Variants in RNF220 observed in about 807,000 individuals in gnomAD.
RNF220 encodes E3 ubiquitin-protein ligase RNF220.
RNF220 carries 7 observed loss-of-function variants against 67.1 expected under a neutral mutation model. That is an observed-to-expected ratio of 0.10 (90% confidence interval 0.06 to 0.20). The LOEUF is 0.20. RNF220 is among the 10% of genes least tolerant of loss of function. The pLI, the probability that RNF220 is intolerant of heterozygous loss-of-function variation, is 1.00. For missense variants in RNF220, 565 were observed against 740.3 expected, an observed-to-expected ratio of 0.76 and a Z score of 2.75; for synonymous variants, 270 against 283.2, an observed-to-expected ratio of 0.95 and a Z score of 0.47.
At chr1:44,578,567 A>C (rs1006288057) in intron 2 of RNF220, among the ~76,000 whole-genome samples, 2 of 152,216 alleles carry the variant, frequency 1.3e-5, no homozygotes, top group African/African-American at 4.8e-5. Flanking sequence ...CCATGCATCT[A>C]CTATTATTTG....
intron 5 of RNF220, chr1:44,626,915 T>C (rs1024362766): frequency 1.3e-5 from 2 of 151,894 alleles, no homozygotes; most frequent in Non-Finnish European, 2.9e-5. Context: ...CGTGTGCCTG[T>C]AGTCCCAGCT....
chr1:44,418,318 C>G (rs1648813620), intron 2 of RNF220, among the ~76,000 whole-genome samples: 1 of 152,170 alleles, frequency 6.6e-6, no homozygotes, highest in Non-Finnish European at 1.5e-5. Flanking sequence ...GTGTGTACAG[C>G]GCCTGGGGAC....
intron 2 of RNF220, among the ~76,000 whole-genome samples, chr1:44,491,719 A>G (rs1204768874): frequency 6.6e-6 from 1 of 151,770 alleles, no homozygotes; most frequent in African/African-American, 2.4e-5. Flanking sequence ...GCTGGAGTGC[A>G]GTGGCATGAT....
chr1:44,442,284 A>G (rs1473995789), intron 2 of RNF220, among the ~76,000 whole-genome samples: 2 of 151,918 alleles, frequency 1.3e-5, no homozygotes, highest in African/African-American at 4.8e-5. Flanking sequence ...CTGGGACTTC[A>G]GGTGTGCGCC....
At chr1:44,486,238 G>A (rs995527850) in intron 2 of RNF220, among the ~76,000 whole-genome samples, 1 of 152,062 alleles carries the variant, frequency 6.6e-6, no homozygotes, top group Non-Finnish European at 1.5e-5. Context: ...GAAAGGGGGG[G>A]GCCTTTGGGC....
At chr1:44,453,141 G>A (rs144970945) in intron 2 of RNF220, among the ~76,000 whole-genome samples, 44 of 152,214 alleles carry the variant, frequency 2.9e-4, no homozygotes, top group African/African-American at 9.9e-4. Flanking sequence ...TATAGGAAAA[G>A]GATTAATTTT....
intron 2 of RNF220, among the ~76,000 whole-genome samples, chr1:44,461,530 G>A (rs1189117882): frequency 2.0e-5 from 3 of 152,174 alleles, no homozygotes; most frequent in Non-Finnish European, 4.4e-5. Flanking sequence ...GTTTATTTGA[G>A]TATATTTTGT....
chr1:44,613,483 G>C (rs1373675784), intron 2 of RNF220, among the ~76,000 whole-genome samples: 1 of 152,246 alleles, frequency 6.6e-6, no homozygotes, highest in African/African-American at 2.4e-5. Context: ...GGCCAGGTGC[G>C]GTGGCTCATG....
At chr1:44,592,547 C>T (rs79343072) in intron 2 of RNF220, among the ~76,000 whole-genome samples, 4,332 of 152,272 alleles carry the variant, frequency 0.028, 218 homozygotes, top group African/African-American at 0.098. Context: ...AGGTTGGCAG[C>T]CCCCGCCCTC....
chr1:44,536,686 C>T (rs1012849909), intron 2 of RNF220, among the ~76,000 whole-genome samples: 4 of 152,156 alleles, frequency 2.6e-5, no homozygotes, highest in Non-Finnish European at 5.9e-5. Flanking sequence ...TCGAAAAGGC[C>T]CCCCTCTGCT....
chr1:44,545,048 T>C (rs988962827), intron 2 of RNF220, among the ~76,000 whole-genome samples: 2 of 152,266 alleles, frequency 1.3e-5, no homozygotes, highest in Non-Finnish European at 2.9e-5. Context: ...CTAAAATCCT[T>C]GCCCTTGAGG....
intron 2 of RNF220, among the ~76,000 whole-genome samples, chr1:44,475,562 C>T (rs1655222884): frequency 2.7e-5 from 3 of 112,926 alleles, no homozygotes; most frequent in African/African-American, 4.1e-5. Flanking sequence ...GTGTGAGACT[C>T]GGTCTCAAAA....
At chr1:44,543,765 G>A (rs993037298) in intron 2 of RNF220, among the ~76,000 whole-genome samples, 3 of 152,080 alleles carry the variant, frequency 2.0e-5, no homozygotes, top group African/African-American at 7.2e-5. Flanking sequence ...CCAAAAGCTG[G>A]GTATCTGGCT....
chr1:44,500,922 C>T (rs1213642169), intron 2 of RNF220, among the ~76,000 whole-genome samples: 2 of 152,198 alleles, frequency 1.3e-5, no homozygotes, highest in Non-Finnish European at 2.9e-5. Context: ...AAGCACCCTT[C>T]GGGCATAGAC....
intron 2 of RNF220, among the ~76,000 whole-genome samples, chr1:44,415,742 T>C (rs1648465779): frequency 6.6e-6 from 1 of 152,182 alleles, no homozygotes; most frequent in East Asian, 1.9e-4. Flanking sequence ...TGTCCTTTAC[T>C]TAGAGCAGAA....
intron 3 of RNF220, among the ~76,000 whole-genome samples, chr1:44,620,550 G>A (rs1016748459): frequency 3.9e-5 from 6 of 152,236 alleles, no homozygotes; most frequent in East Asian, 1.9e-4. Flanking sequence ...AAGCAGCTCC[G>A]TGCCCTTCTT....
chr1:44,425,401 G>A (rs1043790487), intron 2 of RNF220, among the ~76,000 whole-genome samples: 17 of 150,410 alleles, frequency 1.1e-4, no homozygotes, highest in African/African-American at 4.2e-4. Context: ...AATACTTGTT[G>A]TTAAAGTAAA....
chr1:44,515,447 CT>C (rs1659381699), intron 2 of RNF220, among the ~76,000 whole-genome samples: 2 of 152,140 alleles, frequency 1.3e-5, no homozygotes, highest in African/African-American at 4.8e-5. Context: ...TTGGCATGCT[CT>C]AGGAATGAAG....
chr1:44,592,707 C>T (rs1039557771), intron 2 of RNF220, among the ~76,000 whole-genome samples: 29 of 152,330 alleles, frequency 1.9e-4, no homozygotes, highest in African/African-American at 6.3e-4. Context: ...TTATCATCCT[C>T]AGTCTCTAGG....
Sources: gnomAD v4.1 joint callset for allele counts (sites outside exome capture counted in the v4.1 genomes callset) on GRCh38, gnomAD v4.1.1 for gene constraint, MANE v1.5 for transcripts, NCBI Gene and HGNC (gene_info 2026-07-23, HGNC 2026-07-21) for gene names.